The following GALNT14 variants were observed in gnomAD, a reference collection of about 807,000 sequenced individuals.
The protein encoded by GALNT14 is UDP-GalNAc:polypeptide N-acetylgalactosaminyltransferase 14.
Under a neutral mutation model 77.5 loss-of-function variants are expected in GALNT14, and 60 were observed. The ratio of observed to expected loss-of-function variants is 0.77; its 90% confidence interval spans 0.63 to 0.96. GALNT14 has a LOEUF of 0.96. GALNT14 is among the 40% of genes least tolerant of loss of function. GALNT14 has a pLI of 0.00. For missense variants in GALNT14, 710 were observed against 731.0 expected (o/e 0.97, Z 0.33); for synonymous variants, 280 against 281.7 (o/e 0.99, Z 0.06).
chr2:30,981,415 T>C (rs4952014), intron 2 of GALNT14, among the ~76,000 whole-genome samples: 3,049 of 152,346 alleles, frequency 0.02, 46 homozygotes, highest in East Asian at 0.066. Flanking sequence ...TCTCTGCTGC[T>C]GCTGTGTTTA....
chr2:31,131,136 C>T (rs538095975), intron 1 of GALNT14, among the ~76,000 whole-genome samples: 1 of 152,240 alleles, frequency 6.6e-6, no homozygotes, highest in Admixed American at 6.5e-5. Context: ...CCTGGCACTG[C>T]CAGTGGCCAC....
intron 1 of GALNT14, among the ~76,000 whole-genome samples, chr2:31,135,702 C>T (rs62143032): frequency 0.12 from 17,985 of 152,214 alleles, 1,411 homozygotes; most frequent in Non-Finnish European, 0.17. Flanking sequence ...GTCCTGACTT[C>T]TGCTACTAAA....
At chr2:31,047,344 T>G (rs978763316) in intron 1 of GALNT14, among the ~76,000 whole-genome samples, 1 of 152,146 alleles carries the variant, frequency 6.6e-6, no homozygotes, top group Admixed American at 6.5e-5. Flanking sequence ...CCTGGGGAAG[T>G]GGGTTATCCT....
intron 3 of GALNT14, among the ~76,000 whole-genome samples, chr2:30,964,937 AT>A (rs1667906987): frequency 6.6e-6 from 1 of 151,916 alleles, no homozygotes; most frequent in African/African-American, 2.4e-5. Flanking sequence ...AAACAATGAG[AT>A]TTTGCTGTGT....
chr2:30,965,562 C>G (rs1166348880), intron 3 of GALNT14, among the ~76,000 whole-genome samples: 2 of 152,062 alleles, frequency 1.3e-5, no homozygotes, highest in Non-Finnish European at 1.5e-5. Flanking sequence ...GGGAGTTCTG[C>G]TAGGGACTGG....
At chr2:31,035,661 T>C (rs1345047079) in intron 1 of GALNT14, among the ~76,000 whole-genome samples, 1 of 144,076 alleles carries the variant, frequency 6.9e-6, no homozygotes, top group African/African-American at 2.6e-5. Flanking sequence ...ACACACACTA[T>C]GGAATACTAT....
intron 1 of GALNT14, among the ~76,000 whole-genome samples, chr2:31,135,336 C>T (rs1239107280): frequency 6.6e-6 from 1 of 152,164 alleles, no homozygotes; most frequent in East Asian, 1.9e-4. Context: ...GTTTCGGTAC[C>T]ACTGTGCTCC....
At chr2:31,036,242 T>C (rs959406682) in intron 1 of GALNT14, among the ~76,000 whole-genome samples, 5 of 152,232 alleles carry the variant, frequency 3.3e-5, no homozygotes, top group African/African-American at 1.2e-4. Flanking sequence ...TTATGTTAAA[T>C]GGATATCTTC....
chr2:30,936,009 C>T (rs62139547), intron 9 of GALNT14, among the ~76,000 whole-genome samples: 2,294 of 152,252 alleles, frequency 0.015, 39 homozygotes, highest in Admixed American at 0.057. Flanking sequence ...TGAGTCAGCG[C>T]CCACATAATC....
rs1400366662 is a variant in GALNT14 at position 30,966,228 on chromosome 2, G to A, written c.374C>T (p.Ser125Phe). Residue 125 changes from serine (S) to phenylalanine (F), a missense_variant, in exon 3 of 15, where the codon TCC becomes TTC. Physicochemically the swap from Ser to Phe is radical, Grantham distance 155. Coordinates refer to ENST00000349752, the MANE Select transcript of GALNT14 (RefSeq NM_024572.4). Reference sequence around the variant, plus strand: ...CCTGCGGATGGTCCTGAGCAGCGTGGAGCGGGCCTCGTTGTGGAAGGTGAT... The same window carrying A: ...CCTGCGGATGGTCCTGAGCAGCGTGAAGCGGGCCTCGTTGTGGAAGGTGAT... ...IIITFHNEAR[S>F]TLLRTIRSVL... 4 of 1,613,940 alleles carry A rather than the reference G, an allele frequency of 2.5e-6. No individual in the cohort carries two copies. The highest frequency in any genetic ancestry group is 2.5e-6 in the Non-Finnish European group (3 of 1,179,942).
intron 13 of GALNT14, among the ~76,000 whole-genome samples, chr2:30,919,328 G>A (rs1027088914): frequency 6.6e-6 from 1 of 152,208 alleles, no homozygotes; most frequent in African/African-American, 2.4e-5. Context: ...AGGTTGACAA[G>A]TCAGCCAAGA....
intron 1 of GALNT14, among the ~76,000 whole-genome samples, chr2:31,113,571 G>C (rs1166108167): frequency 1.3e-5 from 2 of 152,164 alleles, no homozygotes; most frequent in African/African-American, 2.4e-5. Context: ...GGGTAGCTCA[G>C]GGTATTCCTT....
In GALNT14 at chr2:30,958,388, A is replaced by G; in HGVS notation, c.466+9T>C. On this transcript the variant is annotated intron_variant, in intron 4 of 14. Coordinates refer to ENST00000349752, the MANE Select transcript of GALNT14 (RefSeq NM_024572.4). ...CGTGTCTAAAGAGCAAGTGAGCAAC[A>G]TGACTTACGGTCATTGCTGAAGTCA... 6.2e-7 allele frequency: 1 copy of G among 1,613,072 alleles called. No individual in the cohort carries two copies. Among genetic ancestry groups the G allele is most frequent in the Non-Finnish European group, 8.5e-7 (1 of 1,179,040 alleles).
rs149421116 is a variant in GALNT14, at chr2:30,983,033, T to A, written c.299+9805A>T. Among the ~76,000 whole-genome samples, 409 of 152,326 alleles carry A rather than the reference T, an allele frequency of 2.7e-3. 3 individuals are homozygous for A. The highest frequency in any genetic ancestry group is 4.7e-3 in the Non-Finnish European group (320 of 68,036). On this transcript the variant is annotated intron_variant, in intron 2 of 14. Transcript: ENST00000349752. Reference sequence around the variant, plus strand: ...GAATGCAGAGTGCAAATCCAGGGAATCTTCTTCACCCCTCTTCCTCTGTCC... The same window carrying A: ...GAATGCAGAGTGCAAATCCAGGGAAACTTCTTCACCCCTCTTCCTCTGTCC...
chr2:30,944,415 T>A (rs1030252901), intron 8 of GALNT14, among the ~76,000 whole-genome samples: 6 of 152,208 alleles, frequency 3.9e-5, no homozygotes, highest in African/African-American at 2.4e-5. Flanking sequence ...CAGCTGTGCT[T>A]ATGAATATGT....
At chr2:30,940,000 C>CA (rs72540472) in intron 9 of GALNT14, among the ~76,000 whole-genome samples, 428 of 126,290 alleles carry the variant, frequency 3.4e-3, no homozygotes, top group Middle Eastern at 0.018. Flanking sequence ...TATAAAATGC[C>CA]AAAAAAAAAA....
Position 30,910,775 on chromosome 2 carries a change from G to A in GALNT14, c.*126C>T. ...GAGACAGTTGCTCCTGTCCTGGGGG[G>A]CTCTGCCTCCACCTCCCAGTCCAGG... On this transcript the variant is annotated 3_prime_UTR_variant, in exon 15 of 15. Transcript: ENST00000349752. The A allele has an allele frequency of 1.0e-6, 1 of 985,926 alleles. No homozygotes were observed. Among genetic ancestry groups the A allele is most frequent in the Non-Finnish European group, 1.5e-6 (1 of 673,072 alleles). The allele number at this position is 985,926 out of a possible 1,614,324, so 61.1% of individuals were successfully genotyped here.
rs56703340 is a variant in GALNT14, at chr2:30,989,583, A to ATATATAAAT, written c.299+3254_299+3255insATTTATATA. On this transcript the variant is annotated intron_variant, in intron 2 of 14. Coordinates refer to ENST00000349752, the MANE Select transcript of GALNT14 (RefSeq NM_024572.4). ...CCTTATATATATATATATATATATA[A>ATATATAAAT]AAATATATATATTAGTAGATATATA... 1.7e-3 allele frequency among the ~76,000 whole-genome samples: 158 copies of ATATATAAAT among 91,838 alleles called. 7 individuals are homozygous for ATATATAAAT. The highest frequency in any genetic ancestry group is 6.3e-3 in the African/African-American group (149 of 23,528). 60.2% of individuals were successfully genotyped at this position (91,838 alleles called of 152,430 possible). A position where few individuals can be genotyped will look rare whatever the true frequency, so the allele number is the denominator to read the frequency against.
chr2:30,938,772 G>A (rs1445427052), intron 9 of GALNT14, among the ~76,000 whole-genome samples: 1 of 152,218 alleles, frequency 6.6e-6, no homozygotes, highest in East Asian at 1.9e-4. Context: ...ATGTGCTATT[G>A]AGTAGGTCAC....
Sources: allele counts gnomAD v4.1 joint callset (sites outside exome capture counted in the v4.1 genomes callset), GRCh38; gene constraint gnomAD v4.1.1; transcripts MANE v1.5; gene names NCBI Gene and HGNC (gene_info 2026-07-23, HGNC 2026-07-21).